INPP4B: variants seen among roughly 807,000 people sequenced by gnomAD.
INPP4B encodes the protein inositol polyphosphate-4-phosphatase type II B.
A neutral mutation model predicts 122.5 loss-of-function variants in INPP4B; 55 were observed. That is an observed-to-expected ratio of 0.45 (90% CI 0.36 to 0.56). The LOEUF (loss-of-function observed/expected upper bound fraction) is 0.56. Ranked by LOEUF, INPP4B falls within the 20% of genes least tolerant of loss-of-function variation. The probability of loss-of-function intolerance (pLI) is 0.00; values close to 1 mark genes in which losing one functional copy is unlikely to be tolerated. For synonymous variants in INPP4B, 403 were observed against 388.7 expected (o/e 1.04, Z -0.43); for missense variants, 1,000 against 1,097.7 (o/e 0.91, Z 1.26).
In INPP4B at chr4:142,173,690, G is replaced by A; in HGVS notation, c.1301C>T (p.Ser434Phe). ...GCTGTCTGGAGAATGCTGGCTTGCA[G>A]AATTAAGCAGTAGGTCTGCATGGGT... ...IATHADLLLN[S>F]ASQHSPDSLK... Residue 434 changes from serine to phenylalanine, a missense_variant, in exon 16 of 26, where the codon TCT (serine) becomes TTT (phenylalanine). Ser to Phe is a radical substitution (Grantham distance 155). Coordinates refer to ENST00000262992, the MANE Select transcript of INPP4B (RefSeq NM_001101669.3). 1 of 1,613,314 alleles carries A rather than the reference G, an allele frequency of 6.2e-7. No individual in the cohort carries two copies. Among genetic ancestry groups the A allele is most frequent in the Non-Finnish European group, 8.5e-7 (1 of 1,179,476 alleles).
intron 7 of INPP4B, among the ~76,000 whole-genome samples, chr4:142,337,482 C>T (rs571078635): frequency 3.3e-5 from 5 of 151,548 alleles, no homozygotes; most frequent in Admixed American, 2.0e-4. Context: ...TGAGTTTTTA[C>T]CAACCATTGA....
chr4:142,056,897 C>G (rs1464604586), intron 25 of INPP4B, among the ~76,000 whole-genome samples: 1 of 152,122 alleles, frequency 6.6e-6, no homozygotes, highest in Non-Finnish European at 1.5e-5. Context: ...GAGACACCAA[C>G]TTTTGAGCTG....
intron 11 of INPP4B, among the ~76,000 whole-genome samples, chr4:142,244,073 CCT>C (rs1448437888): frequency 2.0e-5 from 3 of 151,762 alleles, no homozygotes; most frequent in African/African-American, 7.3e-5. Flanking sequence ...CCCCCCACCC[CCT>C]GACAGGTCCC....
chr4:142,250,738 G>A (rs897307283), intron 11 of INPP4B, among the ~76,000 whole-genome samples: 1 of 151,902 alleles, frequency 6.6e-6, no homozygotes, highest in East Asian at 1.9e-4. Flanking sequence ...GATAAAAGAT[G>A]ACTCCAAGAA....
chr4:142,215,973 T>C (rs978727012), intron 12 of INPP4B, among the ~76,000 whole-genome samples: 1 of 131,190 alleles, frequency 7.6e-6, no homozygotes, highest in African/African-American at 2.8e-5. Context: ...AATAGTTGCA[T>C]ACCATTACAA....
intron 15 of INPP4B, among the ~76,000 whole-genome samples, chr4:142,192,038 T>A (rs935142013): frequency 6.6e-6 from 1 of 151,790 alleles, no homozygotes; most frequent in Non-Finnish European, 1.5e-5. Context: ...CGTTAAAAAA[T>A]TTTCTGGTTT....
At chr4:142,576,474 T>G (rs1733871308) in intron 2 of INPP4B, among the ~76,000 whole-genome samples, 1 of 151,938 alleles carries the variant, frequency 6.6e-6, no homozygotes, top group African/African-American at 2.4e-5. Context: ...ATCTGCACCA[T>G]GGATTCCACT....
intron 15 of INPP4B, among the ~76,000 whole-genome samples, chr4:142,189,278 C>A (rs886746081): frequency 1.3e-5 from 2 of 152,120 alleles, no homozygotes; most frequent in African/African-American, 4.8e-5. Flanking sequence ...AATCTTATTG[C>A]ATTATGATTA....
intron 25 of INPP4B, among the ~76,000 whole-genome samples, chr4:142,047,421 G>T (rs180916618): frequency 1.3e-5 from 2 of 151,946 alleles, no homozygotes; most frequent in East Asian, 3.9e-4. Context: ...TTTTTGTTTA[G>T]GCTTCTGCTA....
chr4:142,636,647 T>A (rs1223754560), intron 2 of INPP4B, among the ~76,000 whole-genome samples: 1 of 151,984 alleles, frequency 6.6e-6, no homozygotes, highest in Non-Finnish European at 1.5e-5. Flanking sequence ...TCCTAAAAAA[T>A]GTAAATAACC....
intron 1 of INPP4B, among the ~76,000 whole-genome samples, chr4:142,841,312 A>G (rs893293194): frequency 6.6e-6 from 1 of 151,952 alleles, no homozygotes; most frequent in African/African-American, 2.4e-5. Context: ...TTATTTTCCC[A>G]GCATTGAATA....
intron 20 of INPP4B, among the ~76,000 whole-genome samples, chr4:142,122,617 AG>A (rs1797026809): frequency 6.6e-6 from 1 of 152,084 alleles, no homozygotes. Context: ...GGTTCATGCT[AG>A]TTTTGCATCT....
At chr4:142,373,327 T>C (rs1452721357) in intron 7 of INPP4B, among the ~76,000 whole-genome samples, 2 of 152,036 alleles carry the variant, frequency 1.3e-5, no homozygotes, top group Admixed American at 6.6e-5. Context: ...GAGAGAAAAG[T>C]GTGTTTTCGT....
At chr4:142,771,501 A>G (rs1338231812) in intron 1 of INPP4B, among the ~76,000 whole-genome samples, 5 of 152,130 alleles carry the variant, frequency 3.3e-5, no homozygotes, top group Non-Finnish European at 5.9e-5. Context: ...TATTCCAGGT[A>G]AGAGATGATG....
At chr4:142,306,148 CTATTA>C (rs1763268616) in intron 8 of INPP4B, among the ~76,000 whole-genome samples, 1 of 151,088 alleles carries the variant, frequency 6.6e-6, no homozygotes, top group African/African-American at 2.4e-5. Flanking sequence ...CTTTTTTAGT[CTATTA>C]TATTAGGTGT....
intron 2 of INPP4B, among the ~76,000 whole-genome samples, chr4:142,583,972 A>T (rs28413753): frequency 0.014 from 2,143 of 152,134 alleles, 41 homozygotes; most frequent in African/African-American, 0.041. Flanking sequence ...GTAAGTTTAA[A>T]TCTTCTCTTC....
At chr4:142,621,719 T>C (rs1408797513) in intron 2 of INPP4B, among the ~76,000 whole-genome samples, 1 of 151,872 alleles carries the variant, frequency 6.6e-6, no homozygotes, top group Non-Finnish European at 1.5e-5. Flanking sequence ...TTAAATATGA[T>C]GTAATCACAT....
At chr4:142,197,191 TCAATG>T (rs1838709587) in intron 14 of INPP4B, among the ~76,000 whole-genome samples, 1 of 149,232 alleles carries the variant, frequency 6.7e-6, no homozygotes, top group Non-Finnish European at 1.5e-5. Context: ...GAGTATATCC[TCAATG>T]CTTGGCACAT....
rs60227708 is a variant in INPP4B, at chr4:142,732,853, A to T, written c.-253-6952T>A. Among the ~76,000 whole-genome samples the T allele has an allele frequency of 5.0e-3, 759 of 152,280 alleles. 9 individuals carry two copies. The highest frequency in any genetic ancestry group is 0.017 in the African/African-American group (720 of 41,584). On this transcript the variant is annotated intron_variant, in intron 1 of 25. Coordinates refer to ENST00000262992, the MANE Select transcript of INPP4B (RefSeq NM_001101669.3). ...CAAGCTAAAATTTGTACAGAAATACAAAGGGCCAAGATTAGCCAAGGAAGA... is the reference window on the plus strand; with the variant it reads ...CAAGCTAAAATTTGTACAGAAATACTAAGGGCCAAGATTAGCCAAGGAAGA...
Sources: allele counts gnomAD v4.1 joint callset (sites outside exome capture counted in the v4.1 genomes callset), GRCh38; gene constraint gnomAD v4.1.1; transcripts MANE v1.5; gene names NCBI Gene and HGNC (gene_info 2026-07-23, HGNC 2026-07-21).